The following KCND2 variants were observed in gnomAD, a reference collection of about 807,000 sequenced individuals.
The protein encoded by KCND2 is A-type voltage-gated potassium channel KCND2.
Under a neutral mutation model 54.4 loss-of-function variants are expected in KCND2, and 16 were observed. That is an observed-to-expected ratio of 0.29 (90% CI 0.20 to 0.45). The LOEUF (loss-of-function observed/expected upper bound fraction) is 0.45. Among genes scored for constraint, KCND2 ranks in the 20% least tolerant of loss-of-function variants. The pLI is 1.00. For synonymous variants in KCND2, 317 were observed against 310.7 expected, an observed-to-expected ratio of 1.02 and a Z score of -0.21; for missense variants, 486 against 824.2, an observed-to-expected ratio of 0.59 and a Z score of 5.02.
At chr7:120,742,310 A>G (rs529328558) in intron 3 of KCND2, 200 bp from the exon 4 acceptor site, 3 of 569,026 alleles carry the variant, frequency 5.3e-6, no homozygotes, top group Non-Finnish European at 9.5e-6. Flanking sequence ...GCATGTCTAA[A>G]AGACCAGACC....
intron 1 of KCND2, among the ~76,000 whole-genome samples, chr7:120,589,492 G>A (rs983065964): frequency 5.3e-5 from 8 of 152,160 alleles, no homozygotes; most frequent in Non-Finnish European, 1.5e-5. Flanking sequence ...ACTTGTCAAG[G>A]AGACAGACAG....
At chr7:120,314,571 T>C (rs1370533459) in intron 1 of KCND2, among the ~76,000 whole-genome samples, 1 of 152,190 alleles carries the variant, frequency 6.6e-6, no homozygotes, top group East Asian at 1.9e-4. Context: ...TCATATTTTA[T>C]GCACAGATAA....
At chr7:120,291,278 T>C (rs1383751717) in intron 1 of KCND2, among the ~76,000 whole-genome samples, 1 of 151,920 alleles carries the variant, frequency 6.6e-6, no homozygotes, top group East Asian at 1.9e-4. Context: ...TTGTCTTAGA[T>C]GGTATTTGAA....
chr7:120,318,866 C>T (rs1009600563), intron 1 of KCND2, among the ~76,000 whole-genome samples: 8 of 152,006 alleles, frequency 5.3e-5, no homozygotes, highest in Admixed American at 1.3e-4. Context: ...ACAAATAGAA[C>T]ATCATTCACT....
At chr7:120,729,535 G>A (rs1015564098) in intron 1 of KCND2, among the ~76,000 whole-genome samples, 14 of 152,124 alleles carry the variant, frequency 9.2e-5, no homozygotes, top group African/African-American at 3.1e-4. Context: ...TAGCACCCCT[G>A]CCTGTTCTAC....
At chr7:120,439,548 C>T (rs10953913) in intron 1 of KCND2, among the ~76,000 whole-genome samples, 9,516 of 152,006 alleles carry the variant, frequency 0.063, 1,040 homozygotes, top group East Asian at 0.53. Flanking sequence ...TGAAAATATA[C>T]AATAAATTAT....
At chr7:120,522,033 A>G (rs1320236141) in intron 1 of KCND2, among the ~76,000 whole-genome samples, 1 of 152,130 alleles carries the variant, frequency 6.6e-6, no homozygotes, top group Non-Finnish European at 1.5e-5. Context: ...ATGGAATTGC[A>G]TTTCACACAC....
intron 1 of KCND2, among the ~76,000 whole-genome samples, chr7:120,496,459 C>G (rs1247645849): frequency 1.3e-5 from 2 of 151,992 alleles, no homozygotes; most frequent in African/African-American, 2.4e-5. Flanking sequence ...GAGTCTCGCT[C>G]TGTTGCAGAG....
intron 1 of KCND2, among the ~76,000 whole-genome samples, chr7:120,415,988 T>C (rs1801518774): frequency 6.6e-6 from 1 of 152,204 alleles, no homozygotes; most frequent in Non-Finnish European, 1.5e-5. Flanking sequence ...GCAAGCCATA[T>C]TGATATATTT....
intron 1 of KCND2, among the ~76,000 whole-genome samples, chr7:120,520,235 A>G (rs2116345778): frequency 6.6e-6 from 1 of 152,252 alleles, no homozygotes; most frequent in Non-Finnish European, 1.5e-5. Context: ...TTTAAAGAAT[A>G]TTGTAATTTC....
intron 1 of KCND2, among the ~76,000 whole-genome samples, chr7:120,656,791 T>C (rs559322222): frequency 2.4e-4 from 37 of 152,348 alleles, no homozygotes; most frequent in African/African-American, 8.9e-4. Flanking sequence ...AAAATTATTA[T>C]TCCCCTCAAT....
chr7:120,721,974 G>T (rs66806979), intron 1 of KCND2, among the ~76,000 whole-genome samples: 1 of 151,850 alleles, frequency 6.6e-6, no homozygotes, highest in Non-Finnish European at 1.5e-5. Context: ...TCACTTGGCC[G>T]TCACTCTCCC....
chr7:120,650,611 G>A lies in KCND2; in HGVS notation c.1116-82292G>A, dbSNP rs767431350. Among the ~76,000 whole-genome samples the A allele has an allele frequency of 2.9e-4, 42 of 143,542 alleles. 5 individuals are homozygous for A. Among genetic ancestry groups the A allele is most frequent in the African/African-American group, 3.3e-4 (12 of 36,646 alleles). The allele number at this position is 143,542 out of a possible 152,430, so 94.2% of individuals were successfully genotyped here. On this transcript the variant is annotated intron_variant, in intron 1 of 5. Coordinates refer to ENST00000331113, the MANE Select transcript of KCND2 (RefSeq NM_012281.3). ...TGATCGTCTGAAGCCTTCTTCTCCC[G>A]ACTCGTCAAAGTCATTCTCTGTCCA...
intron 1 of KCND2, among the ~76,000 whole-genome samples, chr7:120,698,661 G>A (rs1158673869): frequency 6.6e-6 from 1 of 152,144 alleles, no homozygotes; most frequent in Non-Finnish European, 1.5e-5. Context: ...GTACCTACTG[G>A]TACTAGACTG....
In KCND2 at chr7:120,325,379, A is replaced by C. The variant is rs540274928; in HGVS notation, c.1115+49632A>C. 4.6e-3 allele frequency among the ~76,000 whole-genome samples: 683 copies of C among 147,240 alleles called. 7 individuals are homozygous for C. Among genetic ancestry groups the C allele is most frequent in the African/African-American group, 0.015 (615 of 39,680 alleles). On this transcript the variant is annotated intron_variant, in intron 1 of 5. Coordinates refer to ENST00000331113, the MANE Select transcript of KCND2 (RefSeq NM_012281.3). ...AGAGAGGGCATCCCTGTCTTGTGCC[A>C]GTTTTCAAAGGGAATGCTTCCAGTT...
chr7:120,368,437 T>C (rs1376155876), intron 1 of KCND2, among the ~76,000 whole-genome samples: 1 of 152,070 alleles, frequency 6.6e-6, no homozygotes, highest in Non-Finnish European at 1.5e-5. Flanking sequence ...ATGTATCCTT[T>C]GTATAAATTT....
chr7:120,362,039 A>G (rs1309728657), intron 1 of KCND2, among the ~76,000 whole-genome samples: 1 of 152,056 alleles, frequency 6.6e-6, no homozygotes, highest in Admixed American at 6.6e-5. Flanking sequence ...TTCATTTTCT[A>G]TAGCTAGGAA....
chr7:120,631,444 G>A (rs1221762425), intron 1 of KCND2, among the ~76,000 whole-genome samples: 2 of 152,008 alleles, frequency 1.3e-5, no homozygotes, highest in African/African-American at 4.8e-5. Flanking sequence ...TTAAGATAAT[G>A]CAAATGCGAA....
chr7:120,476,559 A>G (rs1453579666), intron 1 of KCND2, among the ~76,000 whole-genome samples: 2 of 152,192 alleles, frequency 1.3e-5, no homozygotes, highest in South Asian at 2.1e-4. Flanking sequence ...CTCTAAGTCA[A>G]TTAAGACATT....
Sources: gnomAD v4.1 joint callset for allele counts (sites outside exome capture counted in the v4.1 genomes callset) on GRCh38, gnomAD v4.1.1 for gene constraint, MANE v1.5 for transcripts, NCBI Gene and HGNC (gene_info 2026-07-23, HGNC 2026-07-21) for gene names.